Variants in ELAVL2 observed in about 807,000 individuals in gnomAD.
ELAVL2 encodes ELAV like RNA binding protein 2.
ELAVL2 carries 4 observed loss-of-function variants against 34.6 expected under a neutral mutation model. The ratio of observed to expected loss-of-function variants is 0.12; its 90% CI spans 0.06 to 0.26. The LOEUF is 0.26. Among genes scored for constraint, ELAVL2 ranks in the 10% least tolerant of loss-of-function variants. The pLI, the probability that ELAVL2 is intolerant of heterozygous loss-of-function variation, is 1.00. For missense variants in ELAVL2, 432 were observed against 442.8 expected (o/e 0.98, Z 0.22); for synonymous variants, 193 against 154.8 (o/e 1.25, Z -1.83).
At chr9:23,746,928 T>C (rs1019641536) in intron 2 of ELAVL2, among the ~76,000 whole-genome samples, 9 of 151,924 alleles carry the variant, frequency 5.9e-5, no homozygotes, top group African/African-American at 2.2e-4. Context: ...CAGACTATAC[T>C]TTACATCTTC....
intron 2 of ELAVL2, among the ~76,000 whole-genome samples, chr9:23,749,149 G>A (rs2051262823): frequency 6.6e-6 from 1 of 152,028 alleles, no homozygotes. Context: ...GTTATATTTT[G>A]CCACAATAAA....
Position 23,701,422 on chromosome 9 carries a change from T to C in ELAVL2, c.670A>G (p.Arg224Gly). ...TGAGCTAGCGGTCCTGGATACCTTCTGTTTGGAGACTGGTACAGCTGGGAA... is the reference window on the plus strand; with the variant it reads ...TGAGCTAGCGGTCCTGGATACCTTCCGTTTGGAGACTGGTACAGCTGGGAA... ...ILSQLYQSPN[R>G]RYPGPLAQQA... Residue 224 changes from arginine to glycine, a missense_variant, in exon 5 of 7, where the codon AGA (arginine) becomes GGA (glycine). By Grantham distance (125) the Arg-to-Gly change is moderately radical. Around this residue, in one of 3 missense-constraint regions of ELAVL2, gnomAD observed 295 missense variants for 306.1 expected, o/e 0.96. Transcript: ENST00000397312. 6.2e-7 allele frequency: 1 copy of C among 1,614,146 alleles called. No homozygotes were observed. Among genetic ancestry groups the C allele is most frequent in the East Asian group, 2.2e-5 (1 of 44,866 alleles).
chr9:23,781,905 C>A (rs906753143), intron 1 of ELAVL2, among the ~76,000 whole-genome samples: 3 of 152,052 alleles, frequency 2.0e-5, no homozygotes, highest in Non-Finnish European at 4.4e-5. Context: ...AGGATGGTCT[C>A]GATCTCCTGA....
intron 1 of ELAVL2, among the ~76,000 whole-genome samples, chr9:23,771,905 C>T (rs1189492779): frequency 6.6e-6 from 1 of 152,144 alleles, no homozygotes; most frequent in Non-Finnish European, 1.5e-5. Flanking sequence ...TACACTAAAT[C>T]ATTACCTTCT....
At chr9:23,836,279 A>G in the ELAVL2 span, among the ~76,000 whole-genome samples, 1 of 152,206 alleles carries the variant, frequency 6.6e-6, no homozygotes, top group South Asian at 2.1e-4. Context: ...CACATAAATG[A>G]ATGGCATTAC....
Position 23,691,534 on chromosome 9 carries a change from G to A in ELAVL2, c.*1023C>T, listed in dbSNP as rs1029574895. 4.6e-5 allele frequency: 7 copies of A among 152,120 alleles called. No homozygotes were observed. The East Asian group carries it at 1.4e-3, about 29-fold the overall frequency. The allele number at this position is 152,120 out of a possible 1,614,324, so 9.4% of individuals were successfully genotyped here. A position where few individuals can be genotyped will look rare whatever the true frequency, so the allele number is the denominator to read the frequency against. On this transcript the variant is annotated 3_prime_UTR_variant, in exon 7 of 7. Transcript: ENST00000397312. ...GAACAGATTTTTTCCCCCATCTCTC[G>A]GTAATTTAAATTTCTTGCCTGCTCT...
At chr9:23,828,734 T>C (rs1483378890), upstream of ELAVL2, among the ~76,000 whole-genome samples, 3 of 152,220 alleles carry the variant, frequency 2.0e-5, no homozygotes, top group East Asian at 5.8e-4. Flanking sequence ...AAAGTGAAAG[T>C]ATCTTAAAAT....
the ELAVL2 span, among the ~76,000 whole-genome samples, chr9:23,839,145 A>G: frequency 6.6e-6 from 1 of 152,310 alleles, no homozygotes; most frequent in African/African-American, 2.4e-5. Context: ...AGAACTGGAA[A>G]AGAAGGTACT....
intron 3 of ELAVL2, among the ~76,000 whole-genome samples, chr9:23,715,693 A>C (rs886211773): frequency 6.6e-6 from 1 of 152,228 alleles, no homozygotes; most frequent in Non-Finnish European, 1.5e-5. Context: ...TAACCATGGC[A>C]ACTTTATCTC....
intron 2 of ELAVL2, among the ~76,000 whole-genome samples, chr9:23,734,971 G>A (rs1205617730): frequency 1.3e-5 from 2 of 151,690 alleles, no homozygotes; most frequent in African/African-American, 4.8e-5. Flanking sequence ...TGTGCATACT[G>A]ATAATCCCCA....
chr9:23,827,253 G>C (rs1049084198), upstream of ELAVL2, among the ~76,000 whole-genome samples: 1 of 152,208 alleles, frequency 6.6e-6, no homozygotes. Context: ...GAGGATTTAA[G>C]AAGTTTAACC....
intron 1 of ELAVL2, among the ~76,000 whole-genome samples, chr9:23,780,146 C>CT (rs1437919604): frequency 6.6e-6 from 1 of 151,344 alleles, no homozygotes; most frequent in Non-Finnish European, 1.5e-5. Context: ...GGTTGATTCT[C>CT]TTTTCCAGGA....
At chr9:23,790,420 A>C (rs1219288722) in intron 1 of ELAVL2, among the ~76,000 whole-genome samples, 1 of 152,286 alleles carries the variant, frequency 6.6e-6, no homozygotes, top group African/African-American at 2.4e-5. Context: ...CTGCTTTGGA[A>C]TAGATTTTCT....
At chr9:23,814,222 TGGTATCA>T (rs1342959786) in intron 1 of ELAVL2, among the ~76,000 whole-genome samples, 1 of 152,182 alleles carries the variant, frequency 6.6e-6, no homozygotes, top group East Asian at 1.9e-4. Context: ...CTGCTCCTTC[TGGTATCA>T]GTGATTCACT....
chr9:23,727,730 C>T (rs1469646621), intron 3 of ELAVL2, among the ~76,000 whole-genome samples: 1 of 152,042 alleles, frequency 6.6e-6, no homozygotes, highest in Non-Finnish European at 1.5e-5. Context: ...GGAACAAATG[C>T]TTTAGGTCCT....
chr9:23,785,620 C>G (rs1418477805), intron 1 of ELAVL2, among the ~76,000 whole-genome samples: 1 of 152,214 alleles, frequency 6.6e-6, no homozygotes, highest in East Asian at 1.9e-4. Flanking sequence ...CTCACTGTCT[C>G]ACGTCTGTTA....
intron 2 of ELAVL2, among the ~76,000 whole-genome samples, chr9:23,754,063 T>G (rs2052883122): frequency 6.6e-6 from 1 of 152,072 alleles, no homozygotes; most frequent in Non-Finnish European, 1.5e-5. Flanking sequence ...ACACCATAGG[T>G]TCAACTTTAT....
chr9:23,824,216 G>C (rs981725464), intron 1 of ELAVL2, among the ~76,000 whole-genome samples: 3 of 152,186 alleles, frequency 2.0e-5, no homozygotes, highest in Non-Finnish European at 4.4e-5. Flanking sequence ...TGGGAAACGG[G>C]GAACTTATCC....
chr9:23,823,135 C>T (rs918718325), intron 1 of ELAVL2, among the ~76,000 whole-genome samples: 1 of 152,198 alleles, frequency 6.6e-6, no homozygotes, highest in Admixed American at 6.5e-5. Context: ...TCCGTGTCAC[C>T]CCAAATCCGA....
Sources: allele counts gnomAD v4.1 joint callset (sites outside exome capture counted in the v4.1 genomes callset), GRCh38; gene constraint gnomAD v4.1.1; regional missense constraint gnomAD v4.1.1; transcripts MANE v1.5; gene names NCBI Gene and HGNC (gene_info 2026-07-23, HGNC 2026-07-21).